The following ABTB3 variants were observed in gnomAD, a reference collection of about 807,000 sequenced individuals.
ABTB3 encodes the protein ankyrin repeat and BTB domain containing 3, also known as ankyrin repeat- and BTB/POZ domain-containing protein 3.
chr12:107,469,948 C>CTT, the ABTB3 span, among the ~76,000 whole-genome samples: 1 of 42,824 alleles, frequency 2.3e-5, no homozygotes, highest in African/African-American at 1.4e-4. Flanking sequence ...CTTTCTCTTT[C>CTT]TTTCTTTCTT....
the ABTB3 span, among the ~76,000 whole-genome samples, chr12:107,458,715 G>A: frequency 6.6e-6 from 1 of 152,140 alleles, no homozygotes; most frequent in Non-Finnish European, 1.5e-5. Context: ...AGGCCTCATA[G>A]GGCAAGGGAA....
the ABTB3 span, among the ~76,000 whole-genome samples, chr12:107,511,456 G>A: frequency 6.6e-6 from 1 of 152,052 alleles, no homozygotes. Flanking sequence ...AATCTTGGCC[G>A]GACTCTCTTA....
At chr12:107,618,175 T>A in the ABTB3 span, 1 of 1,614,038 alleles carries the variant, frequency 6.2e-7, no homozygotes, top group Non-Finnish European at 8.5e-7. Flanking sequence ...TTCCGCAAAC[T>A]GCTCGCCCAG....
At chr12:107,561,128 GCT>G in the ABTB3 span, among the ~76,000 whole-genome samples, 3 of 152,114 alleles carry the variant, frequency 2.0e-5, no homozygotes, top group Non-Finnish European at 4.4e-5. Flanking sequence ...CCTGGAGCAA[GCT>G]CTTTTTGCAG....
At chr12:107,542,596 A>G in the ABTB3 span, among the ~76,000 whole-genome samples, 22 of 152,186 alleles carry the variant, frequency 1.4e-4, no homozygotes, top group African/African-American at 5.3e-4. Flanking sequence ...TCCTTGAACA[A>G]TCTGGGACTT....
chr12:107,617,271 CT>C, the ABTB3 span: 1 of 1,614,094 alleles, frequency 6.2e-7, no homozygotes, highest in Non-Finnish European at 8.5e-7. Flanking sequence ...GCTTTATTCT[CT>C]TATAAAACCC....
the ABTB3 span, among the ~76,000 whole-genome samples, chr12:107,508,438 C>CTTTTTTTTTTTTT: frequency 1.1e-3 from 77 of 69,160 alleles, 12 homozygotes; most frequent in East Asian, 1.6e-3. Flanking sequence ...AAGATCATTT[C>CTTTTTTTTTTTTT]TTTTTTTTTT....
the ABTB3 span, among the ~76,000 whole-genome samples, chr12:107,512,343 G>T: frequency 7.2e-5 from 11 of 152,334 alleles, no homozygotes; most frequent in Admixed American, 2.6e-4. Context: ...TGCAAATTTG[G>T]CTGTGAGCTT....
the ABTB3 span, chr12:107,651,772 T>G: frequency 6.2e-7 from 1 of 1,613,612 alleles, no homozygotes; most frequent in Non-Finnish European, 8.5e-7. Flanking sequence ...GTGTGGATAT[T>G]TACAACCATG....
the ABTB3 span, among the ~76,000 whole-genome samples, chr12:107,344,346 C>A: frequency 5.3e-5 from 8 of 152,276 alleles, no homozygotes; most frequent in African/African-American, 1.9e-4. Flanking sequence ...CACTACCACC[C>A]AATCATGTTA....
the ABTB3 span, among the ~76,000 whole-genome samples, chr12:107,590,020 C>A: frequency 6.6e-6 from 1 of 152,240 alleles, no homozygotes; most frequent in East Asian, 1.9e-4. Flanking sequence ...AGCAATTCTC[C>A]TGCCTCAGCC....
chr12:107,372,609 A>G, the ABTB3 span, among the ~76,000 whole-genome samples: 1 of 152,076 alleles, frequency 6.6e-6, no homozygotes, highest in East Asian at 1.9e-4. Context: ...CTCTGTGCTC[A>G]CTGAGCTCAG....
At chr12:107,506,691 G>A in the ABTB3 span, among the ~76,000 whole-genome samples, 1 of 152,202 alleles carries the variant, frequency 6.6e-6, no homozygotes, top group African/African-American at 2.4e-5. Context: ...TTCTTTGTGG[G>A]ATTATTTGAT....
the ABTB3 span, among the ~76,000 whole-genome samples, chr12:107,615,536 C>T: frequency 6.6e-6 from 1 of 152,122 alleles, no homozygotes; most frequent in Non-Finnish European, 1.5e-5. Flanking sequence ...AGGTGTGACC[C>T]CTGGTGTTTG....
At chr12:107,578,903 T>G in the ABTB3 span, among the ~76,000 whole-genome samples, 1 of 152,190 alleles carries the variant, frequency 6.6e-6, no homozygotes, top group Non-Finnish European at 1.5e-5. Context: ...TCTTAGTCTG[T>G]GTCATGAGCA....
chr12:107,382,653 C>T, the ABTB3 span, among the ~76,000 whole-genome samples: 1 of 151,834 alleles, frequency 6.6e-6, no homozygotes, highest in Non-Finnish European at 1.5e-5. Flanking sequence ...AGCAAACTAA[C>T]AAACGAACAG....
the ABTB3 span, among the ~76,000 whole-genome samples, chr12:107,523,173 C>T: frequency 6.6e-6 from 1 of 152,210 alleles, no homozygotes; most frequent in Non-Finnish European, 1.5e-5. Flanking sequence ...GTTCCCTGTA[C>T]ACCCAGATAG....
At chr12:107,655,575 C>G in the ABTB3 span, among the ~76,000 whole-genome samples, 2 of 152,204 alleles carry the variant, frequency 1.3e-5, no homozygotes, top group African/African-American at 2.4e-5. Context: ...ACAACACTTG[C>G]GTTTGTAACT....
chr12:107,507,785 C>G, the ABTB3 span, among the ~76,000 whole-genome samples: 2 of 152,224 alleles, frequency 1.3e-5, no homozygotes, highest in South Asian at 2.1e-4. Context: ...TTCCCCACCC[C>G]CTAGCCAGGT....
Sources: allele counts gnomAD v4.1 joint callset (sites outside exome capture counted in the v4.1 genomes callset), GRCh38; gene constraint gnomAD v4.1.1; transcripts MANE v1.5; gene names NCBI Gene and HGNC (gene_info 2026-07-23, HGNC 2026-07-21).